FSTL5: variants seen among roughly 807,000 people sequenced by gnomAD.
FSTL5 encodes follistatin like 5.
FSTL5 carries 62 observed loss-of-function variants against 89.1 expected under a neutral mutation model. The observed-to-expected ratio is 0.70, with a 90% CI of 0.57 to 0.86. FSTL5 has a LOEUF of 0.86. FSTL5 is among the 40% of genes least tolerant of loss of function. FSTL5 has a pLI of 0.00. For synonymous variants in FSTL5, 383 were observed against 346.2 expected, an observed-to-expected ratio of 1.11 and a Z score of -1.18; for missense variants, 1,057 against 1,001.6, an observed-to-expected ratio of 1.06 and a Z score of -0.75.
intron 2 of FSTL5, among the ~76,000 whole-genome samples, chr4:162,107,841 T>C (rs1731282307): frequency 6.6e-6 from 1 of 152,100 alleles, no homozygotes. Context: ...CCTCATTAGT[T>C]CTCACTCTCT....
intron 2 of FSTL5, among the ~76,000 whole-genome samples, chr4:162,061,794 T>C (rs1205891915): frequency 6.6e-6 from 1 of 152,136 alleles, no homozygotes; most frequent in Non-Finnish European, 1.5e-5. Flanking sequence ...CACAGGGACA[T>C]ACATGATATA....
chr4:161,970,402 G>T (rs1735448323), intron 3 of FSTL5, among the ~76,000 whole-genome samples: 1 of 152,056 alleles, frequency 6.6e-6, no homozygotes, highest in Non-Finnish European at 1.5e-5. Context: ...GGTCTAGGAT[G>T]AAAAGAGCTA....
At chr4:161,807,113 A>G (rs914404835) in intron 4 of FSTL5, among the ~76,000 whole-genome samples, 2 of 151,384 alleles carry the variant, frequency 1.3e-5, no homozygotes, top group African/African-American at 4.9e-5. Flanking sequence ...CAGGTTGGTC[A>G]TTTTTTTCAA....
At chr4:161,736,816 G>C (rs1326949790) in intron 6 of FSTL5, among the ~76,000 whole-genome samples, 2 of 152,058 alleles carry the variant, frequency 1.3e-5, no homozygotes, top group Non-Finnish European at 2.9e-5. Context: ...ACGTGATCCT[G>C]TTTGTCTATC....
intron 4 of FSTL5, among the ~76,000 whole-genome samples, chr4:161,839,607 A>G (rs528226231): frequency 1.6e-4 from 25 of 152,176 alleles, no homozygotes; most frequent in Non-Finnish European, 2.8e-4. Context: ...GACAAAAACC[A>G]TGTATATACT....
At chr4:161,465,186 A>AT (rs942250802) in intron 13 of FSTL5, among the ~76,000 whole-genome samples, 6 of 152,042 alleles carry the variant, frequency 3.9e-5, no homozygotes, top group Admixed American at 6.6e-5. Context: ...ATAAAATAAG[A>AT]TTTTTTTAAG....
intron 6 of FSTL5, among the ~76,000 whole-genome samples, chr4:161,657,697 AG>A (rs1736565360): frequency 6.6e-6 from 1 of 152,052 alleles, no homozygotes; most frequent in African/African-American, 2.4e-5. Flanking sequence ...TCCAATAAAG[AG>A]TTATTTGGTT....
intron 12 of FSTL5, among the ~76,000 whole-genome samples, chr4:161,498,534 G>C (rs1730173444): frequency 6.6e-6 from 1 of 152,134 alleles, no homozygotes; most frequent in Admixed American, 6.5e-5. Flanking sequence ...GTGATGAAGA[G>C]TATGGATTTC....
intron 3 of FSTL5, among the ~76,000 whole-genome samples, chr4:161,959,394 G>T (rs900595799): frequency 6.6e-6 from 1 of 151,958 alleles, no homozygotes. Context: ...AAGTCTTACA[G>T]CTAACATCAC....
intron 7 of FSTL5, among the ~76,000 whole-genome samples, chr4:161,625,836 C>T (rs1006994251): frequency 7.2e-5 from 11 of 152,062 alleles, no homozygotes; most frequent in Admixed American, 4.6e-4. Flanking sequence ...AATAACAAAG[C>T]GAAACAGGTT....
chr4:161,545,662 A>G (rs1410948428), intron 8 of FSTL5, among the ~76,000 whole-genome samples: 3 of 151,960 alleles, frequency 2.0e-5, no homozygotes, highest in Non-Finnish European at 4.4e-5. Flanking sequence ...AGATTCTGGC[A>G]TAGTAACTCT....
intron 4 of FSTL5, among the ~76,000 whole-genome samples, chr4:161,888,372 G>A (rs1451560044): frequency 6.6e-6 from 1 of 152,052 alleles, no homozygotes; most frequent in Non-Finnish European, 1.5e-5. Context: ...AAGGAAGCCT[G>A]GGTTTCTGAC....
chr4:161,626,430 C>T (rs553146322), intron 7 of FSTL5, among the ~76,000 whole-genome samples: 1 of 152,226 alleles, frequency 6.6e-6, no homozygotes, highest in Admixed American at 6.5e-5. Flanking sequence ...CTGTTTAAAG[C>T]ATGGCTTACT....
chr4:162,107,996 G>A (rs948751311), intron 2 of FSTL5, among the ~76,000 whole-genome samples: 1 of 152,074 alleles, frequency 6.6e-6, no homozygotes, highest in Admixed American at 6.6e-5. Context: ...ATATGAGTAT[G>A]CAATATTTAA....
At chr4:161,722,306 T>A (rs941360417) in intron 6 of FSTL5, among the ~76,000 whole-genome samples, 1 of 152,348 alleles carries the variant, frequency 6.6e-6, no homozygotes, top group East Asian at 1.9e-4. Context: ...TGAATACTAT[T>A]CAAAATTTGT....
At chr4:161,670,929 A>C (rs2126697823) in intron 6 of FSTL5, among the ~76,000 whole-genome samples, 2 of 152,320 alleles carry the variant, frequency 1.3e-5, no homozygotes, top group Middle Eastern at 3.4e-3. Context: ...TGGGAAAAGC[A>C]TCAGGTTTAG....
At chr4:162,161,408 T>C (rs551369379) in intron 1 of FSTL5, among the ~76,000 whole-genome samples, 2 of 151,930 alleles carry the variant, frequency 1.3e-5, no homozygotes, top group African/African-American at 2.4e-5. Context: ...GAATCTAATT[T>C]TACCTTATTT....
rs547347956 is a variant in FSTL5 at position 161,836,427 on chromosome 4, A to C, written c.410-60353T>G. On this transcript the variant is annotated intron_variant, in intron 4 of 15. Coordinates refer to ENST00000306100, the MANE Select transcript of FSTL5 (RefSeq NM_020116.5). The stretch of plus-strand genomic sequence containing the variant: ...TATGTAACTAACCTGCACATTGTGC[A>C]CATGTAACCTAAAACTTAAAGTATA... Among the ~76,000 whole-genome samples, 8 of 151,976 alleles carry C rather than the reference A, an allele frequency of 5.3e-5. No individual in the cohort carries two copies. In the East Asian group the frequency reaches 1.5e-3, roughly 29 times the overall value.
At chr4:161,547,864 A>G (rs1256194656) in intron 8 of FSTL5, among the ~76,000 whole-genome samples, 1 of 151,928 alleles carries the variant, frequency 6.6e-6, no homozygotes, top group African/African-American at 2.4e-5. Flanking sequence ...TGTGCATGAT[A>G]CAAGTTTGCA....
Sources: gnomAD v4.1 joint callset for allele counts (sites outside exome capture counted in the v4.1 genomes callset) on GRCh38, gnomAD v4.1.1 for gene constraint, MANE v1.5 for transcripts, NCBI Gene and HGNC (gene_info 2026-07-23, HGNC 2026-07-21) for gene names.